Variants in TANC1 observed in about 807,000 individuals in gnomAD.
The protein encoded by TANC1 is tetratricopeptide repeat, ankyrin repeat and coiled-coil containing 1, also known as protein TANC1.
A neutral mutation model predicts 149.7 loss-of-function variants in TANC1; 77 were observed. That is an observed-to-expected ratio of 0.51 (90% CI 0.43 to 0.62). TANC1 has a LOEUF of 0.62. Among genes scored for constraint, TANC1 ranks in the 20% least tolerant of loss-of-function variants. The pLI is 0.00. For synonymous variants in TANC1, 854 were observed against 925.0 expected (o/e 0.92, Z 1.39); for missense variants, 1,985 against 2,321.8 (o/e 0.85, Z 2.98).
chr2:159,118,591 C>G (rs1304383353), intron 4 of TANC1, among the ~76,000 whole-genome samples: 1 of 152,170 alleles, frequency 6.6e-6, no homozygotes, highest in Non-Finnish European at 1.5e-5. Context: ...TAGGGAGTTG[C>G]TGTGCCTCAG....
intron 4 of TANC1, among the ~76,000 whole-genome samples, 192 bp from the exon 5 acceptor site, chr2:159,136,002 T>TTTTGTGTG: frequency 9.3e-6 from 1 of 107,882 alleles, no homozygotes; most frequent in African/African-American, 3.2e-5. Context: ...TACTGAAATT[T>TTTTGTGTG]TGTGTGTGTG....
At chr2:159,068,866 A>T (rs867847368) in intron 3 of TANC1, among the ~76,000 whole-genome samples, 4 of 152,066 alleles carry the variant, frequency 2.6e-5, no homozygotes, top group Middle Eastern at 6.8e-3. Context: ...CAGCCTCCCG[A>T]GTAGTTGGGA....
chr2:159,204,918 A>G (rs4233678), intron 19 of TANC1, among the ~76,000 whole-genome samples: 144,588 of 152,292 alleles, frequency 0.95, 68,642 homozygotes, highest in Middle Eastern at 0.98. Context: ...TGTGTAGCGC[A>G]TTGAAGCAAT....
At chr2:158,992,782 AG>A (rs1052576518) in intron 1 of TANC1, among the ~76,000 whole-genome samples, 3 of 151,288 alleles carry the variant, frequency 2.0e-5, no homozygotes, top group Non-Finnish European at 2.9e-5. Flanking sequence ...GGCTTCCCAA[AG>A]TGCTGGGATT....
intron 4 of TANC1, 67 bp from the exon 5 acceptor site, chr2:159,136,127 C>T (rs532863822): frequency 2.1e-6 from 2 of 972,948 alleles, no homozygotes; most frequent in East Asian, 2.4e-5. Context: ...AGGACACACA[C>T]TGTACATTCC....
chr2:159,024,588 T>C (rs1214672461), intron 2 of TANC1, among the ~76,000 whole-genome samples: 1 of 152,054 alleles, frequency 6.6e-6, no homozygotes, highest in Non-Finnish European at 1.5e-5. Context: ...CCGTCTCTAC[T>C]AAAAATATAA....
chr2:159,073,323 C>T (rs2043326356), intron 3 of TANC1, among the ~76,000 whole-genome samples: 1 of 152,168 alleles, frequency 6.6e-6, no homozygotes, highest in Admixed American at 6.5e-5. Flanking sequence ...ACATGTAAGG[C>T]CCAAGCTGGT....
At chr2:159,032,585 G>A (rs1014082574) in intron 2 of TANC1, among the ~76,000 whole-genome samples, 1 of 152,014 alleles carries the variant, frequency 6.6e-6, no homozygotes, top group South Asian at 2.1e-4. Context: ...CTACTGTTTC[G>A]AATTTTACAG....
intron 7 of TANC1, among the ~76,000 whole-genome samples, chr2:159,161,298 A>C (rs2054023200): frequency 6.6e-6 from 1 of 152,240 alleles, no homozygotes; most frequent in African/African-American, 2.4e-5. Context: ...CCAATGTAAC[A>C]GCCACAAAAA....
chr2:159,219,796 G>T lies in TANC1; in HGVS notation c.3607G>T (p.Ala1203Ser). Residue 1203 changes from alanine (A) to serine (S), a missense_variant, in exon 22 of 27, where the codon GCA (alanine) becomes TCA (serine). Coordinates refer to ENST00000263635, the MANE Select transcript of TANC1 (RefSeq NM_033394.3). ...VVQYLVEEGA[A>S]IDQTDKNGRT... ...CCAGTATCTGGTTGAAGAAGGAGCTGCAATAGACCAGACAGACAAGAATGG... is the reference window on the plus strand; with the variant it reads ...CCAGTATCTGGTTGAAGAAGGAGCTTCAATAGACCAGACAGACAAGAATGG... 6.2e-7 allele frequency: 1 copy of T among 1,614,152 alleles called. No individual in the cohort carries two copies. Among genetic ancestry groups the T allele is most frequent in the Non-Finnish European group, 8.5e-7 (1 of 1,180,036 alleles).
intron 10 of TANC1, 151 bp from the exon 11 acceptor site, chr2:159,171,970 G>A: frequency 1.7e-6 from 1 of 601,072 alleles, no homozygotes; most frequent in Non-Finnish European, 2.8e-6. Flanking sequence ...CAGACAGATG[G>A]GAACCTGTGC....
Position 159,224,249 on chromosome 2 carries a change from G to A in TANC1, c.3696G>A (p.Glu1232=), listed in dbSNP as rs1219626187. The A allele has an allele frequency of 1.9e-6, 3 of 1,614,076 alleles. No individual in the cohort carries two copies. Among genetic ancestry groups the A allele is most frequent in the African/African-American group, 2.7e-5 (2 of 74,938 alleles). Residue 1232 remains glutamate (E), a synonymous_variant, in exon 23 of 27, where the codon GAG becomes GAA. Transcript: ENST00000263635. The part of the protein sequence containing the change: ...GDAETVLYLV[E]KGAVIEHVDH... ...CTCTGCAGGTGCTGTACCTGGTGGAGAAGGGAGCCGTGATCGAGCATGTGG... is the reference window on the plus strand; with the variant it reads ...CTCTGCAGGTGCTGTACCTGGTGGAAAAGGGAGCCGTGATCGAGCATGTGG...
intron 1 of TANC1, among the ~76,000 whole-genome samples, chr2:158,992,511 T>C (rs1358662223): frequency 6.6e-6 from 1 of 152,068 alleles, no homozygotes; most frequent in Non-Finnish European, 1.5e-5. Flanking sequence ...TGTAATATAT[T>C]TCTTTTTTTG....
chr2:159,032,265 G>GATTC (rs1559151858), intron 2 of TANC1, among the ~76,000 whole-genome samples: 8 of 152,198 alleles, frequency 5.3e-5, no homozygotes, highest in African/African-American at 1.9e-4. Flanking sequence ...GATCAGAATG[G>GATTC]CAGTGCTTTT....
chr2:159,071,737 G>A (rs1445187661), intron 3 of TANC1, among the ~76,000 whole-genome samples: 1 of 152,158 alleles, frequency 6.6e-6, no homozygotes, highest in East Asian at 1.9e-4. Flanking sequence ...ATTCTGTGCT[G>A]CCACTGCCCG....
At chr2:159,078,651 G>T (rs540976331) in intron 3 of TANC1, among the ~76,000 whole-genome samples, 1 of 152,112 alleles carries the variant, frequency 6.6e-6, no homozygotes, top group East Asian at 1.9e-4. Context: ...AGATTCTGGA[G>T]GATTTTTTCC....
chr2:159,169,759 G>C (rs548702284), intron 9 of TANC1, among the ~76,000 whole-genome samples: 1 of 152,082 alleles, frequency 6.6e-6, no homozygotes, highest in Non-Finnish European at 1.5e-5. Context: ...TTGAGAGGCC[G>C]AGGCAGGTGG....
chr2:159,108,346 C>T (rs777571094), intron 4 of TANC1, among the ~76,000 whole-genome samples: 2 of 152,134 alleles, frequency 1.3e-5, no homozygotes, highest in African/African-American at 4.8e-5. Flanking sequence ...TTTTGCTGCC[C>T]GTTTCCCGCC....
At chr2:158,990,526 G>T (rs1386238101) in intron 1 of TANC1, among the ~76,000 whole-genome samples, 1 of 152,212 alleles carries the variant, frequency 6.6e-6, no homozygotes, top group Admixed American at 6.5e-5. Context: ...GGAGGGTTGG[G>T]AGAGCCTTCT....
Sources: gnomAD v4.1 joint callset for allele counts (sites outside exome capture counted in the v4.1 genomes callset) on GRCh38, gnomAD v4.1.1 for gene constraint, MANE v1.5 for transcripts, NCBI Gene and HGNC (gene_info 2026-07-23, HGNC 2026-07-21) for gene names.